The following EVA1C variants were observed in gnomAD, a reference collection of about 807,000 sequenced individuals.
EVA1C encodes the protein eva-1 homolog C.
EVA1C carries 25 observed loss-of-function variants against 45.4 expected under a neutral mutation model. That is an observed-to-expected ratio of 0.55 (90% CI 0.40 to 0.77). The LOEUF (loss-of-function observed/expected upper bound fraction) is 0.77, where lower values mean the gene tolerates loss of function less well. EVA1C is among the 30% of genes least tolerant of loss of function. The pLI is 0.00. For missense variants in EVA1C, 479 were observed against 554.8 expected, an observed-to-expected ratio of 0.86 and a Z score of 1.37; for synonymous variants, 190 against 221.2, an observed-to-expected ratio of 0.86 and a Z score of 1.25.
At chr21:32,446,947 C>G (rs979089157) in intron 1 of EVA1C, among the ~76,000 whole-genome samples, 1 of 152,208 alleles carries the variant, frequency 6.6e-6, no homozygotes, top group Non-Finnish European at 1.5e-5. Context: ...TCTGACCTTG[C>G]TGGTCCTCAT....
At position 32,447,024 on chromosome 21, in the gene EVA1C, G is replaced by A. The variant is rs2146223247; in HGVS notation, c.161-6288G>A. On this transcript the variant is annotated intron_variant, in intron 1 of 7. Transcript: ENST00000300255. Reference sequence around the variant, plus strand: ...CATTTCCTTTCTTACATTTAGCTTGGAGCCCACGGTTCATCATTTTGAGCC... The same window carrying A: ...CATTTCCTTTCTTACATTTAGCTTGAAGCCCACGGTTCATCATTTTGAGCC... 1.3e-5 allele frequency among the ~76,000 whole-genome samples: 2 copies of A among 152,170 alleles called. 1 individual carries two copies. The highest frequency in any genetic ancestry group is 4.2e-4 in the South Asian group (2 of 4,810).
chr21:32,455,315 A>C (rs1326202822), intron 2 of EVA1C, among the ~76,000 whole-genome samples: 2 of 152,190 alleles, frequency 1.3e-5, no homozygotes, highest in African/African-American at 4.8e-5. Context: ...AAAAAAACAA[A>C]AAACAAACAA....
intron 4 of EVA1C, among the ~76,000 whole-genome samples, chr21:32,478,909 G>A (rs1953705994): frequency 6.6e-6 from 1 of 152,240 alleles, no homozygotes; most frequent in Non-Finnish European, 1.5e-5. Flanking sequence ...GCCAAGTGTG[G>A]GCAGGCCTGG....
At chr21:32,506,833 A>G (rs986696865) in intron 7 of EVA1C, among the ~76,000 whole-genome samples, 2 of 151,830 alleles carry the variant, frequency 1.3e-5, no homozygotes, top group Admixed American at 6.6e-5. Flanking sequence ...TGCCCAGACA[A>G]CTCTCAGTCG....
chr21:32,446,232 G>GA (rs35135277), intron 1 of EVA1C, among the ~76,000 whole-genome samples: 26 of 144,000 alleles, frequency 1.8e-4, no homozygotes, highest in Middle Eastern at 3.5e-3. Context: ...GACAGAAAAA[G>GA]AAAAAAAAAA....
rs187255037 is a variant in EVA1C, at chr21:32,431,420, G to T, written c.160+18407G>T. On this transcript the variant is annotated intron_variant, in intron 1 of 7. Coordinates refer to ENST00000300255, the MANE Select transcript of EVA1C (RefSeq NM_058187.5). The stretch of plus-strand genomic sequence containing the variant: ...TTCCTGTCACCCAACGACACTAAGG[G>T]CTAAGCTGGCTGCTTATTATTCTGG... Among the ~76,000 whole-genome samples the T allele has an allele frequency of 1.5e-3, 228 of 152,316 alleles. 1 individual carries two copies. The highest frequency in any genetic ancestry group is 2.7e-3 in the Non-Finnish European group (182 of 68,026).
intron 1 of EVA1C, among the ~76,000 whole-genome samples, chr21:32,447,495 T>A (rs2035406874): frequency 6.6e-6 from 1 of 151,840 alleles, no homozygotes. Flanking sequence ...TATTTAAAAA[T>A]CTCTCTCTGA....
intron 1 of EVA1C, among the ~76,000 whole-genome samples, chr21:32,450,382 C>CG (rs1472481408): frequency 9.5e-6 from 1 of 105,194 alleles, no homozygotes; most frequent in African/African-American, 5.2e-5. Context: ...GGAGCCTTGT[C>CG]ATTTTTTTTT....
intron 7 of EVA1C, among the ~76,000 whole-genome samples, chr21:32,504,861 G>C (rs563524692): frequency 1.3e-5 from 2 of 151,942 alleles, no homozygotes; most frequent in East Asian, 1.9e-4. Flanking sequence ...CTGAGGCTGG[G>C]TAATTTATAA....
At chr21:32,426,524 C>A (rs2034494507) in intron 1 of EVA1C, among the ~76,000 whole-genome samples, 1 of 152,058 alleles carries the variant, frequency 6.6e-6, no homozygotes, top group East Asian at 1.9e-4. Flanking sequence ...ACCCCTGCCA[C>A]CCCACCAGCC....
intron 2 of EVA1C, among the ~76,000 whole-genome samples, chr21:32,454,540 C>T (rs2146254757): frequency 6.6e-6 from 1 of 152,050 alleles, no homozygotes; most frequent in South Asian, 2.1e-4. Context: ...TCTACTTCAC[C>T]ATCCCTGGCC....
intron 1 of EVA1C, among the ~76,000 whole-genome samples, chr21:32,415,893 C>G (rs1449276864): frequency 6.6e-6 from 1 of 152,238 alleles, no homozygotes; most frequent in Admixed American, 6.5e-5. Context: ...CTTTCATCCA[C>G]TTTCCTCTTT....
chr21:32,486,486 C>G (rs2036976844), intron 4 of EVA1C, among the ~76,000 whole-genome samples: 2 of 152,184 alleles, frequency 1.3e-5, no homozygotes, highest in Admixed American at 1.3e-4. Flanking sequence ...CCAGGTATTA[C>G]TGCTTCCTCT....
chr21:32,469,930 G>A (rs1325801702), intron 4 of EVA1C, among the ~76,000 whole-genome samples: 2 of 152,180 alleles, frequency 1.3e-5, no homozygotes, highest in African/African-American at 4.8e-5. Context: ...GCTGGTGTTT[G>A]GCCAGACAAC....
At chr21:32,435,134 C>T (rs867711112) in intron 1 of EVA1C, among the ~76,000 whole-genome samples, 3 of 152,226 alleles carry the variant, frequency 2.0e-5, no homozygotes, top group African/African-American at 7.2e-5. Flanking sequence ...TTGCTCTCCC[C>T]TTTCCTCCTG....
In EVA1C at chr21:32,453,426, A is replaced by G. The variant is rs137915521; in HGVS notation, c.275A>G (p.Gln92Arg). 3.2e-5 allele frequency: 52 copies of G among 1,611,714 alleles called. No individual in the cohort carries two copies. The African/African-American group carries it at 6.0e-4, about 19-fold the overall frequency. The change falls in exon 2 of 8, where the codon CAA (glutamine) becomes CGA (arginine). Residue 92 changes from glutamine to arginine, a missense_variant. By Grantham distance (43) the Gln-to-Arg change is conservative. This residue lies in a region of EVA1C where 33 missense variants were observed against 64.9 expected (regional missense o/e 0.51). Coordinates refer to ENST00000300255, the MANE Select transcript of EVA1C (RefSeq NM_058187.5). Reference protein sequence around the residue: ...TISVQSAFYGQDYQMCSSQKP... With the variant: ...TISVQSAFYGRDYQMCSSQKP... ...AGTGTCCAATCGGCATTTTATGGGCAAGATTACCAAATGTGTAGTTCCCAG... is the reference window on the plus strand; with the variant it reads ...AGTGTCCAATCGGCATTTTATGGGCGAGATTACCAAATGTGTAGTTCCCAG...
chr21:32,488,929 T>TC (rs1434568814), intron 4 of EVA1C, among the ~76,000 whole-genome samples: 2 of 152,224 alleles, frequency 1.3e-5, no homozygotes, highest in Non-Finnish European at 2.9e-5. Flanking sequence ...TCTATCCAGG[T>TC]CCTTTGCCCA....
At chr21:32,438,279 C>T (rs570967392) in intron 1 of EVA1C, among the ~76,000 whole-genome samples, 9 of 151,806 alleles carry the variant, frequency 5.9e-5, no homozygotes, top group African/African-American at 2.2e-4. Context: ...GGTGGATCAC[C>T]TGAGGTCAGG....
At chr21:32,507,809 CATGT>C (rs201659029) in intron 7 of EVA1C, among the ~76,000 whole-genome samples, 4,547 of 148,622 alleles carry the variant, frequency 0.031, 67 homozygotes, top group Middle Eastern at 0.058. Context: ...TCTCTGTGTG[CATGT>C]ATGTATGTGT....
Sources: allele counts gnomAD v4.1 joint callset (sites outside exome capture counted in the v4.1 genomes callset), GRCh38; gene constraint gnomAD v4.1.1; regional missense constraint gnomAD v4.1.1; transcripts MANE v1.5; gene names NCBI Gene and HGNC (gene_info 2026-07-23, HGNC 2026-07-21).